TNS1: variants seen among roughly 807,000 people sequenced by gnomAD.
TNS1 encodes tensin 1.
In TNS1, 62 loss-of-function variants were observed where a neutral mutation model predicts 168.6. The observed-to-expected ratio is 0.37, with a 90% confidence interval of 0.30 to 0.45. The LOEUF (loss-of-function observed/expected upper bound fraction) is 0.45, where lower values mean the gene tolerates loss of function less well. Among genes scored for constraint, TNS1 ranks in the 20% least tolerant of loss-of-function variants. The probability of loss-of-function intolerance (pLI) is 1.00; values close to 1 mark genes in which losing one functional copy is unlikely to be tolerated. For synonymous variants in TNS1, 934 were observed against 933.2 expected, an observed-to-expected ratio of 1.00 and a Z score of -0.02; for missense variants, 2,240 against 2,339.4, an observed-to-expected ratio of 0.96 and a Z score of 0.88.
At chr2:217,858,328 G>A (rs189423783) in intron 18 of TNS1, among the ~76,000 whole-genome samples, 51 of 152,094 alleles carry the variant, frequency 3.4e-4, no homozygotes, top group Admixed American at 2.3e-3. Context: ...GCAGCACAGC[G>A]GGCCACAGCC....
intron 4 of TNS1, among the ~76,000 whole-genome samples, chr2:217,910,263 C>CT (rs1257236605): frequency 6.6e-6 from 1 of 152,146 alleles, no homozygotes; most frequent in Non-Finnish European, 1.5e-5. Flanking sequence ...CAGGGTGACG[C>CT]TTGCCAGAGT....
rs772978329 is a variant in TNS1 at position 217,847,944 on chromosome 2, C to T, written c.2573G>A (p.Ser858Asn). Residue 858 changes from serine (S) to asparagine (N), a missense_variant, in exon 19 of 33, where the codon AGT becomes AAT. Ser to Asn is a conservative substitution (Grantham distance 46). Coordinates refer to ENST00000682258, the MANE Select transcript of TNS1 (RefSeq NM_001387777.1). Reference sequence around the variant, plus strand: ...AGCCCCTGGCCAGGCCCCGGGGACACTCTGGGACTTGTGTAGTGGGGCAGC... The same window carrying T: ...AGCCCCTGGCCAGGCCCCGGGGACATTCTGGGACTTGTGTAGTGGGGCAGC... ...SAAAPLHKSQ[S>N]VPGAWPGASP... is the part of the protein sequence containing the mutation. 6.6e-7 allele frequency: 1 copy of T among 1,508,482 alleles called. No individual in the cohort carries two copies. The highest frequency in any genetic ancestry group is 1.4e-5 in the South Asian group (1 of 73,478). 93.4% of individuals were successfully genotyped at this position (1,508,482 alleles called of 1,614,324 possible). A position where few individuals can be genotyped will look rare whatever the true frequency, so the allele number is the denominator to read the frequency against.
intron 3 of TNS1, among the ~76,000 whole-genome samples, chr2:217,972,908 A>G (rs1036812723): frequency 1.3e-5 from 2 of 152,084 alleles, no homozygotes; most frequent in Admixed American, 1.3e-4. Flanking sequence ...CTGTAAACCT[A>G]AGACTATTCT....
intron 22 of TNS1, among the ~76,000 whole-genome samples, chr2:217,824,908 C>T (rs942112098): frequency 7.2e-5 from 11 of 152,188 alleles, no homozygotes; most frequent in African/African-American, 2.7e-4. Context: ...CCTAGCTGAT[C>T]TGTGTGCCGA....
intron 18 of TNS1, among the ~76,000 whole-genome samples, chr2:217,861,533 T>G (rs1948783519): frequency 6.6e-6 from 1 of 152,234 alleles, no homozygotes; most frequent in South Asian, 2.1e-4. Context: ...AGCCTAAGAT[T>G]ATGCCTGGCC....
upstream of TNS1, among the ~76,000 whole-genome samples, chr2:218,011,594 C>T (rs1325719343): frequency 2.6e-5 from 4 of 152,140 alleles, no homozygotes; most frequent in African/African-American, 4.8e-5. Flanking sequence ...TGTCCCCTTC[C>T]TCTCCTGCAC....
At chr2:218,030,808 A>T (rs1429264211) in intron 1 of TNS1, among the ~76,000 whole-genome samples, 1 of 152,214 alleles carries the variant, frequency 6.6e-6, no homozygotes, top group Non-Finnish European at 1.5e-5. Context: ...TGGGGCTTGA[A>T]GAAATATATG....
At chr2:217,971,325 G>C (rs1490499056) in intron 3 of TNS1, among the ~76,000 whole-genome samples, 1 of 152,216 alleles carries the variant, frequency 6.6e-6, no homozygotes, top group African/African-American at 2.4e-5. Flanking sequence ...GAATCACCCA[G>C]TATGTGCCCT....
At chr2:217,854,866 C>G (rs1021338458) in intron 18 of TNS1, among the ~76,000 whole-genome samples, 16 of 152,272 alleles carry the variant, frequency 1.1e-4, no homozygotes, top group African/African-American at 3.4e-4. Context: ...GCCTTCCCAC[C>G]CCACCTCGGC....
chr2:217,854,531 T>TGGCACTG (rs1947897085), intron 18 of TNS1, among the ~76,000 whole-genome samples: 2 of 152,104 alleles, frequency 1.3e-5, no homozygotes, highest in African/African-American at 4.8e-5. Context: ...GGAAAATCAG[T>TGGCACTG]GCCATGACAA....
In TNS1 at chr2:217,864,725, G is replaced by A. The variant is rs149469157; in HGVS notation, c.1430-15638C>T. 2.2e-3 allele frequency among the ~76,000 whole-genome samples: 331 copies of A among 152,326 alleles called. 2 individuals are homozygous for A. The highest frequency in any genetic ancestry group is 7.4e-3 in the African/African-American group (309 of 41,580). On this transcript the variant is annotated intron_variant, in intron 18 of 32. Transcript: ENST00000682258. ...GAGCTCAAAGCATTTCTGGAAACAA[G>A]TAGAACACTGCCTCAGGGCTGGTTT...
At chr2:217,940,132 T>TA (rs1201086853) in intron 3 of TNS1, among the ~76,000 whole-genome samples, 1 of 152,186 alleles carries the variant, frequency 6.6e-6, no homozygotes, top group Non-Finnish European at 1.5e-5. Flanking sequence ...CTAACAGCCC[T>TA]AGAAAGCTAA....
chr2:217,960,887 A>G (rs1957479256), intron 3 of TNS1, among the ~76,000 whole-genome samples: 3 of 151,636 alleles, frequency 2.0e-5, no homozygotes, highest in Admixed American at 1.3e-4. Context: ...TCTGGTAGCC[A>G]CTCCTCTACT....
intron 18 of TNS1, among the ~76,000 whole-genome samples, chr2:217,862,453 A>T (rs1213504835): frequency 6.6e-6 from 1 of 152,180 alleles, no homozygotes; most frequent in Non-Finnish European, 1.5e-5. Flanking sequence ...CAGTTTCATA[A>T]AACACAAGTT....
intron 2 of TNS1, chr2:217,985,579 C>T (rs563347517): frequency 2.7e-4 from 41 of 152,156 alleles, no homozygotes; most frequent in African/African-American, 8.4e-4. Context: ...CCACCATGCC[C>T]GGGTAATTTG....
chr2:217,964,574 TA>T (rs1450842292), intron 3 of TNS1, among the ~76,000 whole-genome samples: 1 of 152,176 alleles, frequency 6.6e-6, no homozygotes, highest in African/African-American at 2.4e-5. Context: ...AGGATTAGAT[TA>T]AATAGATCCT....
intron 18 of TNS1, among the ~76,000 whole-genome samples, chr2:217,854,856 G>A (rs1034459508): frequency 6.6e-6 from 1 of 152,130 alleles, no homozygotes; most frequent in African/African-American, 2.4e-5. Flanking sequence ...AGGGAAGTGC[G>A]CCTTCCCACC....
At chr2:217,863,065 C>A (rs1379489984) in intron 18 of TNS1, among the ~76,000 whole-genome samples, 1 of 151,912 alleles carries the variant, frequency 6.6e-6, no homozygotes, top group Non-Finnish European at 1.5e-5. Flanking sequence ...AGGCTTAGTC[C>A]CTTCCTGTCA....
intron 19 of TNS1, among the ~76,000 whole-genome samples, chr2:217,846,190 G>A (rs987143725): frequency 7.2e-5 from 11 of 152,170 alleles, no homozygotes; most frequent in Admixed American, 2.0e-4. Flanking sequence ...GTTACTGCTA[G>A]GCCAGCTCTC....
Sources: allele counts gnomAD v4.1 joint callset (sites outside exome capture counted in the v4.1 genomes callset), GRCh38; gene constraint gnomAD v4.1.1; transcripts MANE v1.5; gene names NCBI Gene and HGNC (gene_info 2026-07-23, HGNC 2026-07-21).